Variants in SLC5A8 observed in about 807,000 individuals in gnomAD.
The protein encoded by SLC5A8 is solute carrier family 5 member 8.
SLC5A8 carries 55 observed loss-of-function variants against 71.9 expected under a neutral mutation model. The observed-to-expected ratio is 0.77, with a 90% CI of 0.62 to 0.96. SLC5A8 has a LOEUF of 0.96. SLC5A8 is among the 40% of genes least tolerant of loss of function. The probability of loss-of-function intolerance (pLI) is 0.00; values close to 1 mark genes in which losing one functional copy is unlikely to be tolerated. For synonymous variants in SLC5A8, 307 were observed against 276.1 expected (o/e 1.11, Z -1.11); for missense variants, 701 against 745.3 (o/e 0.94, Z 0.69).
intron 1 of SLC5A8, among the ~76,000 whole-genome samples, chr12:101,207,069 AT>A: frequency 6.6e-6 from 1 of 152,218 alleles, no homozygotes. Context: ...AATAAACAAT[AT>A]ACTCCACAGG....
intron 10 of SLC5A8, among the ~76,000 whole-genome samples, chr12:101,168,884 G>A (rs1440223923): frequency 1.3e-5 from 2 of 152,170 alleles, no homozygotes; most frequent in Non-Finnish European, 2.9e-5. Context: ...CATAAAAGAA[G>A]AGCAGGGAAT....
At chr12:101,159,254 G>T (rs1298153391) in intron 13 of SLC5A8, among the ~76,000 whole-genome samples, 1 of 152,144 alleles carries the variant, frequency 6.6e-6, no homozygotes, top group Non-Finnish European at 1.5e-5. Flanking sequence ...AACCTCTGCT[G>T]TTCTGGAGAT....
intron 1 of SLC5A8, among the ~76,000 whole-genome samples, chr12:101,209,216 C>T (rs1869804998): frequency 2.0e-5 from 3 of 152,188 alleles, no homozygotes; most frequent in Non-Finnish European, 4.4e-5. Context: ...GCGAGCACTA[C>T]TGTTGCAATC....
chr12:101,165,348 AG>A (rs2137124570), intron 12 of SLC5A8, among the ~76,000 whole-genome samples: 1 of 152,336 alleles, frequency 6.6e-6, no homozygotes, highest in East Asian at 1.9e-4. Context: ...GAAAACGCTA[AG>A]CAAAATCATA....
chr12:101,200,253 G>A (rs1410339811), intron 3 of SLC5A8, among the ~76,000 whole-genome samples: 1 of 151,850 alleles, frequency 6.6e-6, no homozygotes, highest in Non-Finnish European at 1.5e-5. Flanking sequence ...AGACATGCAA[G>A]GAAAATTTCT....
intron 3 of SLC5A8, chr12:101,199,292 A>G (rs1005264862): frequency 6.6e-6 from 1 of 151,924 alleles, no homozygotes; most frequent in African/African-American, 2.4e-5. Flanking sequence ...ATGCTTCACA[A>G]ATTTGCATAT....
At chr12:101,200,921 C>T (rs1200813377) in intron 3 of SLC5A8, among the ~76,000 whole-genome samples, 1 of 152,134 alleles carries the variant, frequency 6.6e-6, no homozygotes, top group African/African-American at 2.4e-5. Flanking sequence ...TTTTGAGCAT[C>T]TATTGCACAC....
chr12:101,190,445 A>C (rs12313149), intron 6 of SLC5A8, 23 bp downstream of exon 6: 270,297 of 1,606,328 alleles, frequency 0.17, 23,910 homozygotes, highest in African/African-American at 0.28. Context: ...TTAATGATTC[A>C]TATACCATGG....
chr12:101,159,502 T>G (rs925327697), intron 13 of SLC5A8, among the ~76,000 whole-genome samples: 1 of 152,158 alleles, frequency 6.6e-6, no homozygotes, highest in African/African-American at 2.4e-5. Flanking sequence ...TTATGGGAGT[T>G]TTAGTATACT....
At chr12:101,166,989 A>T (rs1484939993) in intron 11 of SLC5A8, among the ~76,000 whole-genome samples, 3 of 142,938 alleles carry the variant, frequency 2.1e-5, no homozygotes, top group Non-Finnish European at 3.0e-5. Flanking sequence ...GACATGGTTT[A>T]AAAAAAAAAA....
chr12:101,177,987 A>G (rs1201255621), intron 10 of SLC5A8, among the ~76,000 whole-genome samples: 1 of 152,304 alleles, frequency 6.6e-6, no homozygotes, highest in African/African-American at 2.4e-5. Flanking sequence ...CTCAAGGAAT[A>G]TAACAAAACA....
At chr12:101,171,752 G>C (rs1292208442) in intron 10 of SLC5A8, among the ~76,000 whole-genome samples, 5 of 152,218 alleles carry the variant, frequency 3.3e-5, no homozygotes, top group Admixed American at 3.3e-4. Flanking sequence ...CAGGCTGGAA[G>C]GTTAGCTGCT....
chr12:101,162,046 A>G lies in SLC5A8; in HGVS notation c.1558T>C (p.Ser520Pro). ...TPLMDNWYSL[S>P]YLYFSTVGTL... is the part of the protein sequence containing the mutation. ...CCAACAGTGCTGAAGTACAGATATGATAAAGAATACCAGTTATCCATCAGT... is the reference window on the plus strand; with the variant it reads ...CCAACAGTGCTGAAGTACAGATATGGTAAAGAATACCAGTTATCCATCAGT... Residue 520 changes from serine to proline, a missense_variant, in exon 13 of 15, where the codon TCA (serine) becomes CCA (proline). By Grantham distance (74) the Ser-to-Pro change is moderately conservative. Transcript: ENST00000536262. 1 of 1,613,730 alleles carries G rather than the reference A, an allele frequency of 6.2e-7. No individual in the cohort carries two copies. Among genetic ancestry groups the G allele is most frequent in the South Asian group, 1.1e-5 (1 of 91,066 alleles).
Position 101,167,363 on chromosome 12 carries a change from A to T in SLC5A8, c.1321-664T>A, listed in dbSNP as rs753517035. ...CCAATTCCTAATGCCTTATAAGGAAAATAGAATTCCAAATGTGAAGTCAGA... is the reference window on the plus strand; with the variant it reads ...CCAATTCCTAATGCCTTATAAGGAATATAGAATTCCAAATGTGAAGTCAGA... On this transcript the variant is annotated intron_variant, in intron 11 of 14. Coordinates refer to ENST00000536262, the MANE Select transcript of SLC5A8 (RefSeq NM_145913.5). Among the ~76,000 whole-genome samples the T allele has an allele frequency of 2.8e-3, 428 of 152,320 alleles. 1 individual carries two copies. The highest frequency in any genetic ancestry group is 5.2e-3 in the Non-Finnish European group (356 of 68,022).
At chr12:101,159,018 A>G (rs2051701933) in intron 13 of SLC5A8, among the ~76,000 whole-genome samples, 1 of 152,114 alleles carries the variant, frequency 6.6e-6, no homozygotes, top group South Asian at 2.1e-4. Flanking sequence ...TGCTTTTAAA[A>G]ATTGTGTATC....
intron 10 of SLC5A8, among the ~76,000 whole-genome samples, chr12:101,171,239 A>G (rs1473113424): frequency 6.6e-6 from 1 of 152,194 alleles, no homozygotes; most frequent in African/African-American, 2.4e-5. Context: ...TGAAAATTGC[A>G]TCGTGCTGAG....
chr12:101,168,598 G>A (rs943037473), intron 10 of SLC5A8, among the ~76,000 whole-genome samples: 1 of 152,186 alleles, frequency 6.6e-6, no homozygotes, highest in Non-Finnish European at 1.5e-5. Context: ...GACCAGAGAG[G>A]AGGATGAAAC....
At chr12:101,195,751 C>A (rs113688000) in intron 3 of SLC5A8, among the ~76,000 whole-genome samples, 1,550 of 130,142 alleles carry the variant, frequency 0.012, 16 homozygotes, top group South Asian at 0.031. Context: ...GGCTGGAGTG[C>A]AGTGGTGTGA....
In SLC5A8 at chr12:101,187,525, T is replaced by A; in HGVS notation, c.834-10A>T. On this transcript the variant is annotated splice_polypyrimidine_tract_variant and intron_variant, in intron 6 of 14. Transcript: ENST00000536262. ...ATTGATGTAGAGAGACCTAAAGAAG[T>A]GAAAACAAACCAGCAAAAGACAACT... is the stretch of plus-strand genomic sequence containing the variant. The A allele has an allele frequency of 6.3e-7, 1 of 1,591,846 alleles. No homozygotes were observed. The highest frequency in any genetic ancestry group is 8.5e-7 in the Non-Finnish European group (1 of 1,171,860).
Sources: gnomAD v4.1 joint callset for allele counts (sites outside exome capture counted in the v4.1 genomes callset) on GRCh38, gnomAD v4.1.1 for gene constraint, MANE v1.5 for transcripts, NCBI Gene and HGNC (gene_info 2026-07-23, HGNC 2026-07-21) for gene names.